Variants in MAML2 observed in about 807,000 individuals in gnomAD.
MAML2 encodes the protein mastermind like transcriptional coactivator 2.
A neutral mutation model predicts 96.1 loss-of-function variants in MAML2; 22 were observed. That is an observed-to-expected ratio of 0.23 (90% CI 0.16 to 0.33). MAML2 has a LOEUF of 0.33. Ranked by LOEUF, MAML2 falls within the 10% of genes least tolerant of loss-of-function variation. The pLI is 1.00. For missense variants in MAML2, 1,367 were observed against 1,392.4 expected (o/e 0.98, Z 0.29); for synonymous variants, 561 against 521.3 (o/e 1.08, Z -1.04).
chr11:96,069,972 C>A (rs1859316265), intron 2 of MAML2, among the ~76,000 whole-genome samples: 5 of 151,010 alleles, frequency 3.3e-5, no homozygotes, highest in Admixed American at 2.6e-4. Flanking sequence ...TGCAGTGAGC[C>A]AAGATCACGC....
intron 1 of MAML2, among the ~76,000 whole-genome samples, chr11:96,335,676 G>A (rs1863912242): frequency 6.6e-6 from 1 of 152,208 alleles, no homozygotes; most frequent in African/African-American, 2.4e-5. Context: ...TCAAGTATAT[G>A]AAGGATTATT....
chr11:96,028,094 C>A lies in MAML2; in HGVS notation c.2140-36371G>T, dbSNP rs80179363. On this transcript the variant is annotated intron_variant, in intron 2 of 4. Coordinates refer to ENST00000524717, the MANE Select transcript of MAML2 (RefSeq NM_032427.4). ...GGTCCCAATAATGTCTAGTTGTCTG[C>A]ATCTTTTTCTATTTATTATTTGACT... Among the ~76,000 whole-genome samples, 148 of 152,302 alleles carry A rather than the reference C, an allele frequency of 9.7e-4. No homozygotes were observed. In the East Asian group the frequency reaches 0.016, roughly 17 times the overall value.
At chr11:96,162,607 A>G (rs1381248869) in intron 1 of MAML2, among the ~76,000 whole-genome samples, 2 of 150,796 alleles carry the variant, frequency 1.3e-5, no homozygotes, top group African/African-American at 4.9e-5. Context: ...GCTACTCGGG[A>G]GGCTGAGGCA....
chr11:96,196,471 G>A (rs1256675609), intron 1 of MAML2, among the ~76,000 whole-genome samples: 1 of 152,204 alleles, frequency 6.6e-6, no homozygotes, highest in Admixed American at 6.5e-5. Context: ...CAGAAAAGGA[G>A]ACGTGTAAAA....
chr11:96,001,207 G>T (rs1858072896), intron 2 of MAML2, among the ~76,000 whole-genome samples: 1 of 152,160 alleles, frequency 6.6e-6, no homozygotes, highest in South Asian at 2.1e-4. Flanking sequence ...AGCCTCTGGG[G>T]TGGACACGTA....
intron 1 of MAML2, among the ~76,000 whole-genome samples, chr11:96,195,797 A>G (rs1591066525): frequency 6.6e-6 from 1 of 152,358 alleles, no homozygotes; most frequent in East Asian, 1.9e-4. Flanking sequence ...AGTTTATGAG[A>G]AAATTATACT....
intron 2 of MAML2, among the ~76,000 whole-genome samples, chr11:96,074,928 A>G (rs899820902): frequency 6.6e-6 from 1 of 152,090 alleles, no homozygotes; most frequent in African/African-American, 2.4e-5. Flanking sequence ...GGTGTTGCAT[A>G]TTTTGCTTTT....
In MAML2 at chr11:95,992,885, T is replaced by TC. The variant is rs200870788; in HGVS notation, c.2140-1163_2140-1162insG. On this transcript the variant is annotated intron_variant, in intron 2 of 4. Coordinates refer to ENST00000524717, the MANE Select transcript of MAML2 (RefSeq NM_032427.4). ...GGAACAAAAGAAATCCAACTCTCTC[T>TC]TTTTTTTTTTTAAGAGACAGAGTCT... Among the ~76,000 whole-genome samples the TC allele has an allele frequency of 1.0e-3, 127 of 125,866 alleles. 4 individuals carry two copies. In the East Asian group the frequency reaches 0.026, roughly 26 times the overall value. The allele number at this position is 125,866 out of a possible 152,430, so 82.6% of individuals were successfully genotyped here.
chr11:96,192,422 G>C (rs951822966), intron 1 of MAML2, among the ~76,000 whole-genome samples: 4 of 152,190 alleles, frequency 2.6e-5, no homozygotes, highest in African/African-American at 9.7e-5. Flanking sequence ...ATCAGGTGCA[G>C]AATGCTAGGT....
rs1326485803 is a variant in MAML2, at chr11:96,225,042, G to C, written c.513+116341C>G. Among the ~76,000 whole-genome samples the C allele has an allele frequency of 2.6e-5, 4 of 152,190 alleles. No individual in the cohort carries two copies. The East Asian group carries it at 7.7e-4, about 29-fold the overall frequency. ...CATGCAATTCATGTAAATACTCTGG[G>C]GGAGTTTCAATGTTTAGGTATTTTA... On this transcript the variant is annotated intron_variant, in intron 1 of 4. Transcript: ENST00000524717.
intron 1 of MAML2, among the ~76,000 whole-genome samples, chr11:96,186,961 C>T (rs1034519418): frequency 6.6e-6 from 1 of 152,236 alleles, no homozygotes; most frequent in African/African-American, 2.4e-5. Context: ...ACACAAGTTT[C>T]ACTCATTTTA....
At chr11:96,328,402 A>G (rs1251388488) in intron 1 of MAML2, among the ~76,000 whole-genome samples, 1 of 151,806 alleles carries the variant, frequency 6.6e-6, no homozygotes, top group Non-Finnish European at 1.5e-5. Flanking sequence ...GAGTGTGTCT[A>G]CTCTCAGCTT....
At chr11:96,005,950 G>A (rs543563108) in intron 2 of MAML2, among the ~76,000 whole-genome samples, 1 of 151,464 alleles carries the variant, frequency 6.6e-6, no homozygotes, top group African/African-American at 2.4e-5. Flanking sequence ...AGAATGTCTC[G>A]GTTATTACAG....
At chr11:96,263,283 T>A (rs1476870671) in intron 1 of MAML2, among the ~76,000 whole-genome samples, 1 of 152,256 alleles carries the variant, frequency 6.6e-6, no homozygotes, top group African/African-American at 2.4e-5. Context: ...AAAGCAGGAC[T>A]GAGATCTGTA....
intron 1 of MAML2, among the ~76,000 whole-genome samples, chr11:96,282,231 A>G (rs2135986428): frequency 6.6e-6 from 1 of 151,246 alleles, no homozygotes; most frequent in Middle Eastern, 3.4e-3. Flanking sequence ...CCTGGGCGAC[A>G]GAGCAAGACT....
At chr11:96,149,767 C>T (rs562773545) in intron 1 of MAML2, among the ~76,000 whole-genome samples, 1 of 152,194 alleles carries the variant, frequency 6.6e-6, no homozygotes, top group African/African-American at 2.4e-5. Flanking sequence ...CTCAGTCTGT[C>T]TCTGTTTGCC....
chr11:96,127,786 C>A (rs1290905623), intron 1 of MAML2, among the ~76,000 whole-genome samples: 1 of 152,134 alleles, frequency 6.6e-6, no homozygotes, highest in Non-Finnish European at 1.5e-5. Flanking sequence ...TGAAGCAAAC[C>A]TTTGTTCAAC....
At chr11:96,289,204 T>A (rs994553135) in intron 1 of MAML2, among the ~76,000 whole-genome samples, 1 of 152,198 alleles carries the variant, frequency 6.6e-6, no homozygotes, top group African/African-American at 2.4e-5. Flanking sequence ...GACTATTGTG[T>A]TTAGACCACA....
chr11:96,317,653 A>G (rs1005893320), intron 1 of MAML2, among the ~76,000 whole-genome samples: 1 of 152,250 alleles, frequency 6.6e-6, no homozygotes, highest in Non-Finnish European at 1.5e-5. Context: ...AACTGAAAAT[A>G]GGGCTGCAGG....
Sources: gnomAD v4.1 joint callset for allele counts (sites outside exome capture counted in the v4.1 genomes callset) on GRCh38, gnomAD v4.1.1 for gene constraint, MANE v1.5 for transcripts, NCBI Gene and HGNC (gene_info 2026-07-23, HGNC 2026-07-21) for gene names.